IMMP2L: variants seen among roughly 807,000 people sequenced by gnomAD.
The protein encoded by IMMP2L is inner mitochondrial membrane peptidase subunit 2.
In IMMP2L, 18 loss-of-function variants were observed where a neutral mutation model predicts 19.3. The observed-to-expected ratio is 0.93, with a 90% CI of 0.64 to 1.38. The LOEUF is 1.38. Ranked by LOEUF, IMMP2L falls within the 40% of genes most tolerant of loss-of-function variation. The pLI is 0.00. For missense variants in IMMP2L, 233 were observed against 218.2 expected (o/e 1.07, Z -0.43); for synonymous variants, 76 against 73.0 (o/e 1.04, Z -0.21).
intron 3 of IMMP2L, among the ~76,000 whole-genome samples, chr7:111,077,014 G>T (rs1795473186): frequency 6.6e-6 from 1 of 152,196 alleles, no homozygotes; most frequent in African/African-American, 2.4e-5. Context: ...CTGAGTCTCA[G>T]GCTCAGGTGG....
chr7:110,877,558 T>C lies in IMMP2L; in HGVS notation c.408+9035A>G, dbSNP rs1240455829. On this transcript the variant is annotated intron_variant, in intron 5 of 5. Transcript: ENST00000405709. The surrounding 1 kb of genome is among the most constrained non-coding windows in gnomAD (Gnocchi z 4.0). Reference sequence around the variant, plus strand: ...GTGAATTTATGGAATGATCAAGGCATAGGCAGGTAAGACGGATCTGGAAAA... The same window carrying C: ...GTGAATTTATGGAATGATCAAGGCACAGGCAGGTAAGACGGATCTGGAAAA... Among the ~76,000 whole-genome samples, 1 of 152,100 alleles carries C rather than the reference T, an allele frequency of 6.6e-6. No homozygotes were observed. Among genetic ancestry groups the C allele is most frequent in the East Asian group, 1.9e-4 (1 of 5,174 alleles).
intron 3 of IMMP2L, among the ~76,000 whole-genome samples, chr7:111,168,811 T>C (rs1478130997): frequency 1.3e-5 from 2 of 151,894 alleles, no homozygotes; most frequent in Non-Finnish European, 2.9e-5. Context: ...GCTATGGCTT[T>C]TGAAATGCAT....
chr7:110,855,922 C>A (rs1462903932), intron 5 of IMMP2L, among the ~76,000 whole-genome samples: 1 of 151,952 alleles, frequency 6.6e-6, no homozygotes, highest in Admixed American at 6.6e-5. Context: ...ACTATAGGAA[C>A]ACTAATAATC....
At chr7:110,819,081 C>T (rs1802799131) in intron 5 of IMMP2L, among the ~76,000 whole-genome samples, 1 of 151,430 alleles carries the variant, frequency 6.6e-6, no homozygotes, top group Non-Finnish European at 1.5e-5. Context: ...GCACATTGTG[C>T]ATATGTACCC....
At chr7:111,242,614 C>A (rs1185839410) in intron 3 of IMMP2L, among the ~76,000 whole-genome samples, 2 of 152,020 alleles carry the variant, frequency 1.3e-5, no homozygotes, top group East Asian at 1.9e-4. Context: ...ATTCATAGCA[C>A]ACAAACGAGC....
intron 3 of IMMP2L, among the ~76,000 whole-genome samples, chr7:111,455,219 C>A (rs1348392145): frequency 6.6e-6 from 1 of 151,378 alleles, no homozygotes; most frequent in Non-Finnish European, 1.5e-5. Flanking sequence ...ACCAGTTTTG[C>A]GTCTGTTTCA....
intron 3 of IMMP2L, among the ~76,000 whole-genome samples, chr7:111,438,554 C>A (rs748021902): frequency 6.6e-6 from 1 of 151,752 alleles, no homozygotes; most frequent in Non-Finnish European, 1.5e-5. Context: ...AAATTTAATT[C>A]AAGGTAAACA....
chr7:111,043,172 T>G (rs989472772), intron 3 of IMMP2L, among the ~76,000 whole-genome samples: 3 of 152,228 alleles, frequency 2.0e-5, no homozygotes, highest in Non-Finnish European at 2.9e-5. Flanking sequence ...GACAATCCGT[T>G]ATATCCTCCT....
At chr7:111,525,681 A>G (rs1446399102) in intron 1 of IMMP2L, among the ~76,000 whole-genome samples, 2 of 152,124 alleles carry the variant, frequency 1.3e-5, no homozygotes, top group Non-Finnish European at 2.9e-5. Context: ...AGGAGATAAG[A>G]AAGTGTCAAG....
chr7:111,398,786 A>G (rs1833128410), intron 3 of IMMP2L, among the ~76,000 whole-genome samples: 1 of 151,992 alleles, frequency 6.6e-6, no homozygotes. Context: ...ATTTCCAGAT[A>G]TAAGATTAAT....
chr7:110,969,864 C>G (rs1256451057), intron 3 of IMMP2L, among the ~76,000 whole-genome samples: 1 of 151,996 alleles, frequency 6.6e-6, no homozygotes, highest in Non-Finnish European at 1.5e-5. Context: ...TTCTAGAGAC[C>G]TAAGAAGGCA....
chr7:110,898,142 A>C (rs1309295395), intron 4 of IMMP2L, among the ~76,000 whole-genome samples: 2 of 151,446 alleles, frequency 1.3e-5, no homozygotes, highest in African/African-American at 4.8e-5. Context: ...AATAGACATA[A>C]AATATTTTAT....
intron 4 of IMMP2L, among the ~76,000 whole-genome samples, chr7:110,893,804 G>C (rs1811056879): frequency 6.6e-6 from 1 of 152,084 alleles, no homozygotes; most frequent in Admixed American, 6.6e-5. Context: ...CATGGTACGT[G>C]AATGTTTAAA....
intron 2 of IMMP2L, among the ~76,000 whole-genome samples, chr7:111,500,177 G>C (rs762253719): frequency 1.1e-4 from 17 of 152,184 alleles, no homozygotes; most frequent in African/African-American, 3.6e-4. Flanking sequence ...CTGGCTCAGA[G>C]GGTCCTATGC....
chr7:111,063,537 A>G (rs1794218311), intron 3 of IMMP2L, among the ~76,000 whole-genome samples: 1 of 152,172 alleles, frequency 6.6e-6, no homozygotes, highest in African/African-American at 2.4e-5. Context: ...TCCTCAGAAA[A>G]TGGGATTTTC....
intron 4 of IMMP2L, among the ~76,000 whole-genome samples, chr7:110,892,044 G>A (rs1431989201): frequency 6.6e-6 from 1 of 152,030 alleles, no homozygotes; most frequent in African/African-American, 2.4e-5. Context: ...ACTTTGATGT[G>A]CTAAACTGAA....
At chr7:110,793,407 A>G (rs898518963) in intron 5 of IMMP2L, among the ~76,000 whole-genome samples, 2 of 146,176 alleles carry the variant, frequency 1.4e-5, no homozygotes, top group Admixed American at 7.3e-5. Context: ...GCAACAGAGC[A>G]AGACTCTGTC....
intron 3 of IMMP2L, among the ~76,000 whole-genome samples, chr7:111,224,444 T>C (rs1314226275): frequency 6.6e-6 from 1 of 152,082 alleles, no homozygotes; most frequent in African/African-American, 2.4e-5. Context: ...GGAACCCTGT[T>C]AAAAGTAGAA....
At position 110,810,918 on chromosome 7, in the gene IMMP2L, T is replaced by C. The variant is rs545895678; in HGVS notation, c.408+75675A>G. On this transcript the variant is annotated intron_variant, in intron 5 of 5. Transcript: ENST00000405709. ...CATAAAAAGTTTGTTTCCCTGAAAA[T>C]GTGCTGAGATGCGTAAAGCTGAAAC... 6.6e-5 allele frequency among the ~76,000 whole-genome samples: 10 copies of C among 152,142 alleles called. No individual in the cohort carries two copies. The South Asian group carries it at 2.1e-3, about 32-fold the overall frequency.
Sources: allele counts gnomAD v4.1 joint callset (sites outside exome capture counted in the v4.1 genomes callset), GRCh38; gene constraint gnomAD v4.1.1; non-coding constraint Gnocchi (gnomAD v3.1); transcripts MANE v1.5; gene names NCBI Gene and HGNC (gene_info 2026-07-23, HGNC 2026-07-21).